Variants in FAM120B observed in about 807,000 individuals in gnomAD.
The protein encoded by FAM120B is family with sequence similarity 120 member B, also known as constitutive coactivator of peroxisome proliferator-activated receptor gamma.
FAM120B carries 83 observed loss-of-function variants against 96.3 expected under a neutral mutation model. The ratio of observed to expected loss-of-function variants is 0.86; its 90% CI spans 0.72 to 1.03. The LOEUF (loss-of-function observed/expected upper bound fraction) is 1.03, where lower values mean the gene tolerates loss of function less well. FAM120B is among the 50% of genes least tolerant of loss of function. FAM120B has a pLI of 0.00. For synonymous variants in FAM120B, 407 were observed against 402.7 expected (o/e 1.01, Z -0.13); for missense variants, 1,027 against 1,121.2 (o/e 0.92, Z 1.20).
chr6:170,295,134 A>G (rs570319894), upstream of FAM120B, among the ~76,000 whole-genome samples: 1 of 152,326 alleles, frequency 6.6e-6, no homozygotes, highest in South Asian at 2.1e-4. The surrounding 1 kb of genome is among the most constrained non-coding windows in gnomAD (Gnocchi z 7.8). Flanking sequence ...CCACACGGGA[A>G]GTTCTCAGAG....
chr6:170,299,878 A>G (rs1784104736), intron 1 of FAM120B, among the ~76,000 whole-genome samples: 1 of 152,178 alleles, frequency 6.6e-6, no homozygotes, highest in Non-Finnish European at 1.5e-5. Flanking sequence ...CAGTCACTCC[A>G]TTTCCTGACT....
chr6:170,309,929 T>C (rs969141332), intron 1 of FAM120B, among the ~76,000 whole-genome samples: 4 of 152,208 alleles, frequency 2.6e-5, no homozygotes, highest in African/African-American at 9.6e-5. Context: ...GATATAATGT[T>C]ATGTTGTGAT....
upstream of FAM120B, among the ~76,000 whole-genome samples, chr6:170,293,905 G>GGA (rs1286004899): frequency 1.3e-5 from 2 of 152,128 alleles, no homozygotes; most frequent in African/African-American, 4.8e-5. Context: ...GATGAACAAA[G>GGA]GAGAGACTCG....
At chr6:170,346,174 A>G (rs1308614048) in intron 4 of FAM120B, among the ~76,000 whole-genome samples, 2 of 151,394 alleles carry the variant, frequency 1.3e-5, no homozygotes, top group Non-Finnish European at 3.0e-5. Flanking sequence ...TCTACTAAAT[A>G]TATGTAATGA....
chr6:170,386,437 A>G (rs563152644), intron 6 of FAM120B, among the ~76,000 whole-genome samples: 155 of 152,348 alleles, frequency 1.0e-3, no homozygotes, highest in African/African-American at 3.4e-3. Context: ...AGATGAGGGA[A>G]TATTTATACC....
intron 1 of FAM120B, among the ~76,000 whole-genome samples, chr6:170,312,010 T>C (rs568180686): frequency 5.3e-5 from 8 of 152,342 alleles, no homozygotes; most frequent in Non-Finnish European, 1.2e-4. Flanking sequence ...ATCCAGGTGT[T>C]CTCCAGCAGA....
chr6:170,303,251 T>TG (rs375792054), upstream of FAM120B, among the ~76,000 whole-genome samples: 1 of 152,150 alleles, frequency 6.6e-6, no homozygotes, highest in Non-Finnish European at 1.5e-5. Flanking sequence ...TTCCTTTTTT[T>TG]GTGTGTGAGA....
intron 6 of FAM120B, among the ~76,000 whole-genome samples, chr6:170,377,381 G>A (rs1583291326): frequency 8.6e-6 from 1 of 116,380 alleles, no homozygotes; most frequent in South Asian, 3.1e-4. Context: ...GGAGAACACA[G>A]GCTCACGCTG....
At chr6:170,387,543 G>A (rs1447809579) in intron 6 of FAM120B, among the ~76,000 whole-genome samples, 1 of 152,126 alleles carries the variant, frequency 6.6e-6, no homozygotes, top group Non-Finnish European at 1.5e-5. Flanking sequence ...CAGCATCCTC[G>A]CTAAATGCAG....
At chr6:170,311,859 C>T (rs1018903998) in intron 1 of FAM120B, among the ~76,000 whole-genome samples, 3 of 152,210 alleles carry the variant, frequency 2.0e-5, no homozygotes, top group Non-Finnish European at 2.9e-5. Context: ...TGATGCAATG[C>T]TTTTGGAGAA....
At position 170,406,160 on chromosome 6, in the gene FAM120B, TGAG is replaced by T. The variant is rs1562607773; in HGVS notation, c.*1413_*1415del. ...GTATTGATGATGGAAAAGATTCAAA[TGAG>T]GAGTTAGAAGGCAAGCCCTCTGTGG... On this transcript the variant is annotated 3_prime_UTR_variant, in exon 11 of 11. Transcript: ENST00000476287. 6.6e-6 allele frequency: 1 copy of T among 152,204 alleles called. No homozygotes were observed. Among genetic ancestry groups the T allele is most frequent in the African/African-American group, 2.4e-5 (1 of 41,450 alleles). 9.4% of individuals were successfully genotyped at this position (152,204 alleles called of 1,614,324 possible).
Position 170,388,381 on chromosome 6 carries a change from C to A in FAM120B, c.2378C>A (p.Pro793His), listed in dbSNP as rs1344433035. ...TTAGTCAACAGCGCATGTGGCTTCC[C>A]CTGGAAGACGAGTGATTTCATGCCC... ...LVLVNSACGFPWKTSDFMPWN... is the reference protein window; with the variant it reads ...LVLVNSACGFHWKTSDFMPWN... Residue 793 changes from proline (P) to histidine (H), a missense_variant, in exon 7 of 11, where the codon CCC (proline) becomes CAC (histidine). By Grantham distance (77) the Pro-to-His change is moderately conservative (BLOSUM62 -2). Around this residue, in one of 3 missense-constraint regions of FAM120B, gnomAD observed 880 missense variants for 980.9 expected, o/e 0.90. Transcript: ENST00000476287. 1 of 1,614,088 alleles carries A rather than the reference C, an allele frequency of 6.2e-7. No homozygotes were observed. The highest frequency in any genetic ancestry group is 1.1e-5 in the South Asian group (1 of 91,074).
At chr6:170,404,470 C>T in intron 9 of FAM120B, 80 bp from the exon 10 acceptor site, 2 of 1,278,440 alleles carry the variant, frequency 1.6e-6, no homozygotes, top group South Asian at 1.2e-5. Flanking sequence ...TTTGTTCATA[C>T]TTAGAAATGT....
intron 8 of FAM120B, among the ~76,000 whole-genome samples, 156 bp from the exon 9 acceptor site, chr6:170,395,331 T>C (rs550828223): frequency 9.8e-5 from 15 of 152,342 alleles, no homozygotes; most frequent in Admixed American, 4.6e-4. Context: ...TCTCTGGGGA[T>C]GCAACCCTTA....
At chr6:170,353,229 G>A (rs1456723158) in intron 5 of FAM120B, among the ~76,000 whole-genome samples, 1 of 151,930 alleles carries the variant, frequency 6.6e-6, no homozygotes, top group East Asian at 1.9e-4. Flanking sequence ...CCAATAATGA[G>A]TTCTGAAATT....
At chr6:170,347,493 T>G (rs181441661) in intron 4 of FAM120B, among the ~76,000 whole-genome samples, 1 of 152,360 alleles carries the variant, frequency 6.6e-6, no homozygotes, top group East Asian at 1.9e-4. Context: ...AACATCTATA[T>G]AAAATATAGA....
At chr6:170,400,259 G>T (rs1350849014) in intron 9 of FAM120B, among the ~76,000 whole-genome samples, 1 of 151,652 alleles carries the variant, frequency 6.6e-6, no homozygotes, top group East Asian at 2.0e-4. Flanking sequence ...GGAGTGAGTG[G>T]GGAAGGTAGA....
At chr6:170,348,373 G>GAT in intron 5 of FAM120B, 50 bp downstream of exon 5, 1 of 1,551,150 alleles carries the variant, frequency 6.4e-7, no homozygotes, top group South Asian at 1.1e-5. Context: ...CTTACTTTAT[G>GAT]AGAGGGAGCA....
chr6:170,362,573 A>G, intron 6 of FAM120B, among the ~76,000 whole-genome samples: 1 of 152,156 alleles, frequency 6.6e-6, no homozygotes, highest in Non-Finnish European at 1.5e-5. Context: ...TACTACGTAT[A>G]CTGCCGTGGG....
Sources: allele counts gnomAD v4.1 joint callset (sites outside exome capture counted in the v4.1 genomes callset), GRCh38; gene constraint gnomAD v4.1.1; regional missense constraint gnomAD v4.1.1; non-coding constraint Gnocchi (gnomAD v3.1); transcripts MANE v1.5; gene names NCBI Gene and HGNC (gene_info 2026-07-23, HGNC 2026-07-21).